Variants in KCNQ3 observed in about 807,000 individuals in gnomAD.
KCNQ3 encodes the protein potassium voltage-gated channel subfamily Q member 3, also known as potassium voltage-gated channel subfamily KQT member 3.
KCNQ3 carries 30 observed loss-of-function variants against 92.5 expected under a neutral mutation model. That is an observed-to-expected ratio of 0.32 (90% CI 0.24 to 0.44). KCNQ3 has a LOEUF of 0.44. KCNQ3 is among the 20% of genes least tolerant of loss of function. KCNQ3 has a pLI of 1.00. For missense variants in KCNQ3, 913 were observed against 1,140.3 expected (o/e 0.80, Z 2.87); for synonymous variants, 450 against 468.8 (o/e 0.96, Z 0.52).
chr8:132,233,644 C>T (rs542571399), intron 1 of KCNQ3, among the ~76,000 whole-genome samples: 5 of 152,196 alleles, frequency 3.3e-5, no homozygotes, highest in Non-Finnish European at 7.3e-5. Context: ...AGACCTACAT[C>T]CTGCTTTCTT....
chr8:132,158,646 G>A (rs1825883478), intron 9 of KCNQ3, among the ~76,000 whole-genome samples: 1 of 152,206 alleles, frequency 6.6e-6, no homozygotes, highest in Admixed American at 6.5e-5. Context: ...TCTTGCTCTT[G>A]CACTTTCTAG....
chr8:132,220,200 G>A (rs1165539532), intron 1 of KCNQ3, among the ~76,000 whole-genome samples: 2 of 152,100 alleles, frequency 1.3e-5, no homozygotes, highest in African/African-American at 2.4e-5. Context: ...TGCAGACTGG[G>A]TGAGTTCTTA....
At chr8:132,235,406 G>A (rs961264807) in intron 1 of KCNQ3, among the ~76,000 whole-genome samples, 10 of 152,268 alleles carry the variant, frequency 6.6e-5, no homozygotes, top group Middle Eastern at 3.4e-3. Flanking sequence ...AGGAGGTTGA[G>A]GCAAGAGAAT....
intron 1 of KCNQ3, among the ~76,000 whole-genome samples, chr8:132,319,719 C>T (rs1166355381): frequency 6.6e-6 from 1 of 152,232 alleles, no homozygotes; most frequent in East Asian, 1.9e-4. Context: ...CCCCGCCCAT[C>T]TATAATCCTT....
chr8:132,405,357 G>C (rs1222954615), intron 1 of KCNQ3, among the ~76,000 whole-genome samples: 1 of 152,216 alleles, frequency 6.6e-6, no homozygotes, highest in East Asian at 1.9e-4. Context: ...GATTTCCCAA[G>C]TCAAGGTCCT....
At chr8:132,342,727 G>A (rs934765797) in intron 1 of KCNQ3, among the ~76,000 whole-genome samples, 10 of 152,228 alleles carry the variant, frequency 6.6e-5, no homozygotes, top group African/African-American at 2.4e-4. Context: ...AATCCCTGTA[G>A]GCATTTGAGT....
intron 1 of KCNQ3, among the ~76,000 whole-genome samples, chr8:132,414,321 C>T (rs1820734478): frequency 6.6e-6 from 1 of 152,118 alleles, no homozygotes; most frequent in Non-Finnish European, 1.5e-5. Flanking sequence ...CAGGGAAGCC[C>T]AGGGAGGGAT....
At chr8:132,247,381 C>G (rs114875382) in intron 1 of KCNQ3, among the ~76,000 whole-genome samples, 1 of 152,240 alleles carries the variant, frequency 6.6e-6, no homozygotes, top group African/African-American at 2.4e-5. Context: ...TGATGAAGTC[C>G]AAGTCCTGAT....
At chr8:132,223,426 G>T (rs1814303062) in intron 1 of KCNQ3, among the ~76,000 whole-genome samples, 1 of 152,186 alleles carries the variant, frequency 6.6e-6, no homozygotes, top group Non-Finnish European at 1.5e-5. Flanking sequence ...GTGGGAGCCT[G>T]TCAGAGCAGG....
chr8:132,211,964 A>C (rs1813874964), intron 1 of KCNQ3, among the ~76,000 whole-genome samples: 1 of 152,014 alleles, frequency 6.6e-6, no homozygotes, highest in African/African-American at 2.4e-5. Context: ...AAAAAAAAAA[A>C]AAAAAAAACT....
chr8:132,315,122 G>A (rs970710311), intron 1 of KCNQ3, among the ~76,000 whole-genome samples: 3 of 152,178 alleles, frequency 2.0e-5, no homozygotes, highest in African/African-American at 4.8e-5. Context: ...TCACTTAGCT[G>A]GCAATGTGGA....
At chr8:132,348,451 G>A (rs987515868) in intron 1 of KCNQ3, among the ~76,000 whole-genome samples, 1 of 152,160 alleles carries the variant, frequency 6.6e-6, no homozygotes, top group Admixed American at 6.5e-5. Context: ...AATCCAGTGG[G>A]GCACTGTCCA....
chr8:132,314,709 T>C (rs1563855067), intron 1 of KCNQ3, among the ~76,000 whole-genome samples: 1 of 152,188 alleles, frequency 6.6e-6, no homozygotes, highest in Non-Finnish European at 1.5e-5. Context: ...GGTGAAGGAA[T>C]AAGAATGATC....
chr8:132,401,416 G>A (rs906923412), intron 1 of KCNQ3, among the ~76,000 whole-genome samples: 21 of 149,968 alleles, frequency 1.4e-4, no homozygotes, highest in African/African-American at 3.4e-4. Flanking sequence ...TTGCTCTGTC[G>A]CCAGGCTGGA....
chr8:132,247,798 TA>T (rs11424425), intron 1 of KCNQ3, among the ~76,000 whole-genome samples: 433 of 138,300 alleles, frequency 3.1e-3, no homozygotes, highest in Non-Finnish European at 2.8e-3. Flanking sequence ...AACTCCCTCT[TA>T]AAAAAAAAAA....
intron 1 of KCNQ3, among the ~76,000 whole-genome samples, chr8:132,246,396 G>A (rs901529614): frequency 6.6e-6 from 1 of 152,254 alleles, no homozygotes; most frequent in African/African-American, 2.4e-5. Context: ...TAGGAGGTTT[G>A]CAGAGAAATA....
chr8:132,307,229 C>T (rs918804216), intron 1 of KCNQ3, among the ~76,000 whole-genome samples: 3 of 152,208 alleles, frequency 2.0e-5, no homozygotes, highest in Non-Finnish European at 2.9e-5. Flanking sequence ...TGTGCAGGAC[C>T]TGTGTTCCAC....
At chr8:132,350,585 C>T (rs952462427) in intron 1 of KCNQ3, among the ~76,000 whole-genome samples, 3 of 152,282 alleles carry the variant, frequency 2.0e-5, no homozygotes, top group African/African-American at 4.8e-5. Flanking sequence ...ACCAGGCAAG[C>T]GGGGCTCTTT....
intron 1 of KCNQ3, among the ~76,000 whole-genome samples, chr8:132,444,516 A>G (rs554589847): frequency 3.3e-5 from 5 of 152,346 alleles, no homozygotes; most frequent in African/African-American, 1.2e-4. Context: ...GCTGGGACTG[A>G]ACTTAGGAAA....
Sources: gnomAD v4.1 joint callset for allele counts (sites outside exome capture counted in the v4.1 genomes callset) on GRCh38, gnomAD v4.1.1 for gene constraint, MANE v1.5 for transcripts, NCBI Gene and HGNC (gene_info 2026-07-23, HGNC 2026-07-21) for gene names.